RORA: variants seen among roughly 807,000 people sequenced by gnomAD.
RORA encodes the protein RAR related orphan receptor A.
In RORA, 7 loss-of-function variants were observed where a neutral mutation model predicts 69.5. That is an observed-to-expected ratio of 0.10 (90% CI 0.06 to 0.19). RORA has a LOEUF of 0.19. RORA is among the 10% of genes least tolerant of loss of function. The pLI is 1.00. For missense variants in RORA, 457 were observed against 663.0 expected (o/e 0.69, Z 3.41); for synonymous variants, 261 against 240.8 (o/e 1.08, Z -0.78).
intron 1 of RORA, among the ~76,000 whole-genome samples, chr15:61,002,572 T>C (rs1028527539): frequency 3.9e-5 from 6 of 152,166 alleles, no homozygotes; most frequent in Admixed American, 2.6e-4. Flanking sequence ...GAAAAAAATA[T>C]GTTAGCGTCT....
At chr15:61,227,565 G>T (rs2080158606) in intron 1 of RORA, among the ~76,000 whole-genome samples, 1 of 151,652 alleles carries the variant, frequency 6.6e-6, no homozygotes, top group Non-Finnish European at 1.5e-5. Flanking sequence ...TGGACAGGGG[G>T]TGTGGCTAAG....
chr15:60,984,571 T>A (rs1894140995), intron 1 of RORA, among the ~76,000 whole-genome samples: 2 of 152,112 alleles, frequency 1.3e-5, no homozygotes, highest in Non-Finnish European at 2.9e-5. Context: ...GGAGGTAACA[T>A]ACACAAATAA....
At chr15:60,893,410 T>C (rs11071564) in intron 1 of RORA, among the ~76,000 whole-genome samples, 3,528 of 152,100 alleles carry the variant, frequency 0.023, 60 homozygotes, top group Non-Finnish European at 0.035. Context: ...TCACTTGGAG[T>C]TTCTCTGAAG....
chr15:60,541,814 T>C (rs762183898), intron 2 of RORA, among the ~76,000 whole-genome samples: 8 of 152,184 alleles, frequency 5.3e-5, no homozygotes, highest in Non-Finnish European at 1.2e-4. Flanking sequence ...GCCACTTATT[T>C]TTATGTAAGT....
intron 2 of RORA, among the ~76,000 whole-genome samples, chr15:60,577,294 A>C (rs2068053062): frequency 6.6e-6 from 1 of 152,164 alleles, no homozygotes; most frequent in Non-Finnish European, 1.5e-5. Flanking sequence ...CCTACAGTAA[A>C]TTGTAGAGCA....
chr15:60,827,814 G>A (rs1031091372), intron 1 of RORA, among the ~76,000 whole-genome samples: 2 of 152,206 alleles, frequency 1.3e-5, no homozygotes, highest in East Asian at 1.9e-4. Context: ...TCCTATAAAG[G>A]ATTCTTGAAG....
rs149736505 is a variant in RORA at position 60,539,160 on chromosome 15, G to T, written c.197-7309C>A. 2.6e-5 allele frequency among the ~76,000 whole-genome samples: 4 copies of T among 152,270 alleles called. No individual in the cohort carries two copies. The East Asian group carries it at 7.7e-4, about 29-fold the overall frequency. The stretch of plus-strand genomic sequence containing the variant: ...GTGTAAGAGTTAAAATACTGCGCCA[G>T]AATGTCCCATCTGAATTAAGAGAAA... On this transcript the variant is annotated intron_variant, in intron 2 of 10. Coordinates refer to ENST00000335670, the MANE Select transcript of RORA (RefSeq NM_134261.3).
intron 1 of RORA, among the ~76,000 whole-genome samples, chr15:61,065,039 T>G (rs1415407601): frequency 6.6e-6 from 1 of 152,166 alleles, no homozygotes; most frequent in Admixed American, 6.5e-5. Context: ...GCAATGTATC[T>G]AAGGCTCCAG....
chr15:61,072,588 C>T (rs926567805), intron 1 of RORA, among the ~76,000 whole-genome samples: 9 of 152,118 alleles, frequency 5.9e-5, no homozygotes, highest in Admixed American at 5.9e-4. Context: ...TAAAAGAACC[C>T]AAATGAAGTT....
chr15:60,843,996 CT>C (rs1555457552), intron 1 of RORA, among the ~76,000 whole-genome samples: 2 of 151,892 alleles, frequency 1.3e-5, no homozygotes, highest in Admixed American at 1.3e-4. Flanking sequence ...TCTTCATTTA[CT>C]TTTTTTTTGG....
chr15:60,511,720 C>T lies in RORA; in HGVS notation c.425-99G>A. ...TTTCCTTTGAAGTCTCACACAATCT[C>T]AATCCAAAACTGCATGACCACAAAA... On this transcript the variant is annotated intron_variant, in intron 4 of 10. Transcript: ENST00000335670. This position sits in a 1 kb window ranked among gnomAD's most constrained non-coding sequence, Gnocchi z 6.4. 1.6e-6 allele frequency: 2 copies of T among 1,273,966 alleles called. No homozygotes were observed. Among genetic ancestry groups the T allele is most frequent in the Non-Finnish European group, 2.1e-6 (2 of 940,492 alleles). 78.9% of individuals were successfully genotyped at this position (1,273,966 alleles called of 1,614,324 possible).
At chr15:60,543,503 G>A (rs1298953040) in intron 2 of RORA, among the ~76,000 whole-genome samples, 1 of 151,902 alleles carries the variant, frequency 6.6e-6, no homozygotes, top group African/African-American at 2.4e-5. Context: ...TCTTTAGACA[G>A]GGTCTCACTC....
At chr15:61,081,783 A>G (rs534231045) in intron 1 of RORA, among the ~76,000 whole-genome samples, 159 of 148,958 alleles carry the variant, frequency 1.1e-3, no homozygotes, top group Admixed American at 1.8e-3. Context: ...ACTCCAGCCT[A>G]GGCAACAGAG....
At chr15:60,958,993 C>A (rs1047633046) in intron 1 of RORA, among the ~76,000 whole-genome samples, 5 of 152,158 alleles carry the variant, frequency 3.3e-5, no homozygotes, top group Admixed American at 3.3e-4. Flanking sequence ...AGCCAGACAT[C>A]GAAACTCTTC....
At chr15:60,798,320 A>G (rs1172145446) in intron 1 of RORA, among the ~76,000 whole-genome samples, 1 of 152,054 alleles carries the variant, frequency 6.6e-6, no homozygotes, top group Non-Finnish European at 1.5e-5. Context: ...CCTATGAAAT[A>G]TACTTCATAA....
chr15:61,197,321 G>T (rs1046165127), intron 1 of RORA, among the ~76,000 whole-genome samples: 1 of 152,200 alleles, frequency 6.6e-6, no homozygotes, highest in African/African-American at 2.4e-5. Context: ...CTTACAGGGA[G>T]AACAAAGTGG....
In RORA at chr15:60,493,062, T is replaced by C. The variant is rs1247286279; in HGVS notation, c.*4393A>G. On this transcript the variant is annotated 3_prime_UTR_variant, in exon 11 of 11. Transcript: ENST00000335670. ...CTTCTATCGTTGATACCAAGATGGATTGTCATTCACAGTAAGTCAATTATA... is the reference window on the plus strand; with the variant it reads ...CTTCTATCGTTGATACCAAGATGGACTGTCATTCACAGTAAGTCAATTATA... The C allele has an allele frequency of 6.6e-6, 1 of 152,164 alleles. No individual in the cohort carries two copies. The highest frequency in any genetic ancestry group is 1.5e-5 in the Non-Finnish European group (1 of 68,022). The allele number at this position is 152,164 out of a possible 1,614,324, so 9.4% of individuals were successfully genotyped here.
chr15:60,571,978 C>A (rs2067895629), intron 2 of RORA, among the ~76,000 whole-genome samples: 1 of 152,122 alleles, frequency 6.6e-6, no homozygotes, highest in South Asian at 2.1e-4. Flanking sequence ...TTAAACACAC[C>A]AGAACGTACT....
At chr15:60,863,075 G>T (rs1225081137) in intron 1 of RORA, among the ~76,000 whole-genome samples, 1 of 152,190 alleles carries the variant, frequency 6.6e-6, no homozygotes, top group Non-Finnish European at 1.5e-5. Context: ...TTCATGATTA[G>T]CTTGTAAACA....
Sources: gnomAD v4.1 joint callset for allele counts (sites outside exome capture counted in the v4.1 genomes callset) on GRCh38, gnomAD v4.1.1 for gene constraint, Gnocchi (gnomAD v3.1) non-coding constraint, MANE v1.5 for transcripts, NCBI Gene and HGNC (gene_info 2026-07-23, HGNC 2026-07-21) for gene names.